CELF2: variants seen among roughly 807,000 people sequenced by gnomAD.
CELF2 encodes the protein CUG triplet repeat RNA-binding protein 2.
A neutral mutation model predicts 62.6 loss-of-function variants in CELF2; 8 were observed. The observed-to-expected ratio is 0.13, with a 90% CI of 0.07 to 0.23. CELF2 has a LOEUF of 0.23. Ranked by LOEUF, CELF2 falls within the 10% of genes least tolerant of loss-of-function variation. CELF2 has a pLI of 1.00. For synonymous variants in CELF2, 258 were observed against 250.0 expected, an observed-to-expected ratio of 1.03 and a Z score of -0.30; for missense variants, 333 against 671.0, an observed-to-expected ratio of 0.50 and a Z score of 5.56.
intron 1 of CELF2, among the ~76,000 whole-genome samples, chr10:10,916,123 A>G (rs1056429541): frequency 6.6e-6 from 1 of 152,228 alleles, no homozygotes; most frequent in African/African-American, 2.4e-5. Context: ...GTTGCTTTAC[A>G]AAAGGTATAA....
chr10:11,317,030 A>G (rs1220303815), intron 10 of CELF2: 1 of 152,230 alleles, frequency 6.6e-6, no homozygotes, highest in Non-Finnish European at 1.5e-5. Context: ...ACTAAGTTGA[A>G]GAACATACTT....
intron 1 of CELF2, among the ~76,000 whole-genome samples, chr10:11,124,017 A>ACGCCC (rs2131572214): frequency 6.6e-6 from 1 of 152,306 alleles, no homozygotes; most frequent in African/African-American, 2.4e-5. Context: ...GAGCAAAGTC[A>ACGCCC]CGTCTTACAT....
At chr10:10,610,163 T>A in the CELF2 span, among the ~76,000 whole-genome samples, 2 of 152,228 alleles carry the variant, frequency 1.3e-5, no homozygotes, top group Non-Finnish European at 2.9e-5. Context: ...AGTAACACAT[T>A]GAGCCTTGCT....
chr10:10,701,275 A>G, the CELF2 span, among the ~76,000 whole-genome samples: 1,415 of 152,302 alleles, frequency 9.3e-3, 8 homozygotes, highest in East Asian at 0.019. Context: ...ACAAAACCCA[A>G]ACACAGAAAG....
At chr10:11,187,474 C>G (rs1484822362) in intron 2 of CELF2, among the ~76,000 whole-genome samples, 1 of 152,092 alleles carries the variant, frequency 6.6e-6, no homozygotes, top group Non-Finnish European at 1.5e-5. Flanking sequence ...TTTGAATCCA[C>G]TCAGACAAGT....
At chr10:10,543,798 T>C in the CELF2 span, among the ~76,000 whole-genome samples, 1 of 148,054 alleles carries the variant, frequency 6.8e-6, no homozygotes, top group Non-Finnish European at 1.5e-5. Flanking sequence ...TAGACTATAA[T>C]GCCCCCTCTC....
rs1357405946 is a variant in CELF2, at chr10:10,936,546, G to C, written c.89+16547G>C. Reference sequence around the variant, plus strand: ...CTAACATTTTCTTGGGGTGGATGGAGTCCAGTTATCATTGCAGGGCCTGTT... The same window carrying C: ...CTAACATTTTCTTGGGGTGGATGGACTCCAGTTATCATTGCAGGGCCTGTT... On this transcript the variant is annotated intron_variant, in intron 2 of 13. Coordinates refer to the CELF2 transcript ENST00000636488. The surrounding 1 kb of genome is among the most constrained non-coding windows in gnomAD (Gnocchi z 4.0). 1 of 152,224 alleles carries C rather than the reference G, an allele frequency of 6.6e-6. No homozygotes were observed. Among genetic ancestry groups the C allele is most frequent in the Non-Finnish European group, 1.5e-5 (1 of 68,060 alleles). The allele number at this position is 152,224 out of a possible 1,614,324, so 9.4% of individuals were successfully genotyped here. A position where few individuals can be genotyped will look rare whatever the true frequency, so the allele number is the denominator to read the frequency against.
chr10:10,553,587 CAG>C, the CELF2 span, among the ~76,000 whole-genome samples: 1 of 152,114 alleles, frequency 6.6e-6, no homozygotes, highest in Non-Finnish European at 1.5e-5. Context: ...GAGTCACACA[CAG>C]AGAGAGGAGA....
chr10:11,210,727 C>T lies in CELF2; in HGVS notation c.272-6698C>T, dbSNP rs540898860. ...CCTCCCTGAAACCAGCCTTGCTACGCGGGGTCAGCTCCTGCCTTTGGCGTT... is the reference window on the plus strand; with the variant it reads ...CCTCCCTGAAACCAGCCTTGCTACGTGGGGTCAGCTCCTGCCTTTGGCGTT... On this transcript the variant is annotated intron_variant, in intron 2 of 12. Coordinates refer to ENST00000633077, the MANE Select transcript of CELF2 (RefSeq NM_001326342.2). Among the ~76,000 whole-genome samples, 3 of 152,224 alleles carry T rather than the reference C, an allele frequency of 2.0e-5. No individual in the cohort carries two copies. The South Asian group carries it at 6.2e-4, about 32-fold the overall frequency.
chr10:10,741,929 TC>T, the CELF2 span, among the ~76,000 whole-genome samples: 4 of 152,242 alleles, frequency 2.6e-5, no homozygotes, highest in African/African-American at 9.6e-5. Flanking sequence ...TTTCTCTATT[TC>T]ATTCTTTCTG....
intron 9 of CELF2, among the ~76,000 whole-genome samples, chr10:11,295,059 A>G (rs1307627900): frequency 2.6e-5 from 4 of 152,258 alleles, no homozygotes; most frequent in Non-Finnish European, 4.4e-5. Flanking sequence ...GCAAGTTTCA[A>G]CATTTTACAC....
intron 2 of CELF2, among the ~76,000 whole-genome samples, chr10:10,955,069 G>T (rs559225160): frequency 6.6e-6 from 1 of 152,212 alleles, no homozygotes; most frequent in African/African-American, 2.4e-5. Flanking sequence ...ATTTTTTAAA[G>T]TATAATTTAT....
the CELF2 span, among the ~76,000 whole-genome samples, chr10:10,625,328 C>G: frequency 6.6e-6 from 1 of 152,168 alleles, no homozygotes; most frequent in Non-Finnish European, 1.5e-5. Flanking sequence ...CAGTCACTGA[C>G]CTTGTACTAC....
chr10:10,479,388 C>T, the CELF2 span, among the ~76,000 whole-genome samples: 3 of 152,060 alleles, frequency 2.0e-5, no homozygotes, highest in Non-Finnish European at 4.4e-5. Context: ...AGGATGGTCT[C>T]GACCTCCTGA....
In CELF2 at chr10:11,290,330, G is replaced by A. The variant is rs902787013; in HGVS notation, c.976+1778G>A. Among the ~76,000 whole-genome samples, 4 of 152,120 alleles carry A rather than the reference G, an allele frequency of 2.6e-5. No homozygotes were observed. The highest frequency in any genetic ancestry group is 5.9e-5 in the Non-Finnish European group (4 of 68,012). ...TGAGCAGAGACCTGAGTTCCGTGAC[G>A]GAAGCCATGGCGCGTGTTGAGGCAG... On this transcript the variant is annotated intron_variant, in intron 9 of 12. Coordinates refer to ENST00000633077, the MANE Select transcript of CELF2 (RefSeq NM_001326342.2). This position sits in a 1 kb window ranked among gnomAD's most constrained non-coding sequence, Gnocchi z 4.3.
chr10:10,550,256 A>T, the CELF2 span, among the ~76,000 whole-genome samples: 1 of 152,220 alleles, frequency 6.6e-6, no homozygotes. Flanking sequence ...TTTAAGTGGA[A>T]GTGGATCATC....
At chr10:10,815,036 C>A (rs894014687) in intron 1 of CELF2, among the ~76,000 whole-genome samples, 1 of 152,160 alleles carries the variant, frequency 6.6e-6, no homozygotes, top group Non-Finnish European at 1.5e-5. Flanking sequence ...TCTGCCTTGT[C>A]AAAGAGTGAG....
the CELF2 span, among the ~76,000 whole-genome samples, chr10:10,766,671 C>G: frequency 6.6e-6 from 1 of 152,168 alleles, no homozygotes; most frequent in Non-Finnish European, 1.5e-5. Flanking sequence ...TAACTTTCAC[C>G]CCTGCCACCA....
chr10:10,649,130 A>G, the CELF2 span, among the ~76,000 whole-genome samples: 5 of 152,230 alleles, frequency 3.3e-5, no homozygotes, highest in South Asian at 1.0e-3. Flanking sequence ...TCATTTTTTC[A>G]TGCTGGTGAA....
Sources: allele counts gnomAD v4.1 joint callset (sites outside exome capture counted in the v4.1 genomes callset), GRCh38; gene constraint gnomAD v4.1.1; non-coding constraint Gnocchi (gnomAD v3.1); transcripts MANE v1.5; gene names NCBI Gene and HGNC (gene_info 2026-07-23, HGNC 2026-07-21).